CSMD3: variants seen among roughly 807,000 people sequenced by gnomAD.
CSMD3 encodes CUB and sushi domain-containing protein 3.
Under a neutral mutation model 435.2 loss-of-function variants are expected in CSMD3, and 177 were observed. The ratio of observed to expected loss-of-function variants is 0.41; its 90% CI spans 0.36 to 0.46. The LOEUF (loss-of-function observed/expected upper bound fraction) is 0.46, where lower values mean the gene tolerates loss of function less well. CSMD3 is among the 20% of genes least tolerant of loss of function. The probability of loss-of-function intolerance (pLI) is 0.34; values close to 1 mark genes in which losing one functional copy is unlikely to be tolerated. For missense variants in CSMD3, 4,265 were observed against 4,504.6 expected (o/e 0.95, Z 1.52); for synonymous variants, 1,656 against 1,520.5 (o/e 1.09, Z -2.07).
chr8:112,698,962 T>C (rs561992252), intron 13 of CSMD3, among the ~76,000 whole-genome samples: 41 of 152,074 alleles, frequency 2.7e-4, no homozygotes, highest in Non-Finnish European at 5.0e-4. Flanking sequence ...GCTAAAGGTT[T>C]GTAAATGCAC....
At chr8:112,797,897 T>A (rs1023117771) in intron 13 of CSMD3, among the ~76,000 whole-genome samples, 1 of 151,894 alleles carries the variant, frequency 6.6e-6, no homozygotes, top group African/African-American at 2.4e-5. Context: ...TTACCTAATT[T>A]ATATAGGCCT....
chr8:112,405,060 G>A (rs987832444), intron 35 of CSMD3, among the ~76,000 whole-genome samples: 3 of 148,938 alleles, frequency 2.0e-5, no homozygotes, highest in African/African-American at 5.0e-5. Flanking sequence ...GGTAGTGCAC[G>A]CCTGTAATCC....
At chr8:113,043,487 G>A (rs1006457728) in intron 5 of CSMD3, among the ~76,000 whole-genome samples, 2 of 152,120 alleles carry the variant, frequency 1.3e-5, no homozygotes, top group African/African-American at 4.8e-5. Context: ...AGTATCCTCA[G>A]TATCCTGTGA....
intron 6 of CSMD3, among the ~76,000 whole-genome samples, chr8:112,983,940 C>T (rs1587825397): frequency 1.3e-5 from 2 of 151,974 alleles, no homozygotes; most frequent in East Asian, 3.9e-4. Flanking sequence ...AGGCCAAAAA[C>T]GTCTTACTTT....
intron 38 of CSMD3, among the ~76,000 whole-genome samples, chr8:112,379,006 G>A: frequency 6.6e-6 from 1 of 151,944 alleles, no homozygotes; most frequent in South Asian, 2.1e-4. Flanking sequence ...CAGTAAAGTT[G>A]CAAGATACAA....
chr8:113,380,141 G>A (rs2133100791), intron 1 of CSMD3, among the ~76,000 whole-genome samples: 1 of 152,106 alleles, frequency 6.6e-6, no homozygotes, highest in East Asian at 1.9e-4. Context: ...TAACATCCGT[G>A]GGGTTCCCTC....
intron 5 of CSMD3, among the ~76,000 whole-genome samples, chr8:113,073,221 T>G (rs1256177868): frequency 1.3e-5 from 2 of 149,608 alleles, no homozygotes; most frequent in African/African-American, 2.4e-5. Flanking sequence ...TTATTTTTTC[T>G]ATTGGGAGAC....
chr8:113,418,435 T>G (rs2094592735), intron 1 of CSMD3, among the ~76,000 whole-genome samples: 1 of 152,184 alleles, frequency 6.6e-6, no homozygotes, highest in African/African-American at 2.4e-5. Flanking sequence ...CAGTAAAATA[T>G]ATAGTTGGAG....
chr8:112,722,859 A>C (rs2076888071), intron 13 of CSMD3, among the ~76,000 whole-genome samples: 1 of 152,198 alleles, frequency 6.6e-6, no homozygotes, highest in Non-Finnish European at 1.5e-5. Context: ...GGGAGTATTA[A>C]GATGACTCAC....
At chr8:112,363,554 G>A (rs1827466017) in intron 38 of CSMD3, among the ~76,000 whole-genome samples, 1 of 151,860 alleles carries the variant, frequency 6.6e-6, no homozygotes, top group South Asian at 2.1e-4. Context: ...AGAAAACCCT[G>A]GGTACCAGGA....
chr8:112,758,745 T>C (rs1338304981), intron 13 of CSMD3, among the ~76,000 whole-genome samples: 3 of 152,294 alleles, frequency 2.0e-5, no homozygotes, highest in Admixed American at 6.5e-5. Flanking sequence ...TTCTACCTCA[T>C]GATAACATTT....
chr8:113,422,226 G>GT (rs769647465), intron 1 of CSMD3, among the ~76,000 whole-genome samples: 22 of 152,046 alleles, frequency 1.4e-4, no homozygotes, highest in Non-Finnish European at 3.1e-4. Context: ...AATTCTACGC[G>GT]TTTTTCCTCT....
At chr8:112,267,039 T>A (rs1817017854) in intron 59 of CSMD3, among the ~76,000 whole-genome samples, 1 of 152,174 alleles carries the variant, frequency 6.6e-6, no homozygotes, top group African/African-American at 2.4e-5. Context: ...TTCTGTCTTT[T>A]TTAAATTCAC....
intron 35 of CSMD3, among the ~76,000 whole-genome samples, chr8:112,396,126 T>G (rs555153560): frequency 6.6e-6 from 1 of 152,244 alleles, no homozygotes; most frequent in East Asian, 1.9e-4. Flanking sequence ...TAATGAACAT[T>G]TTCTTGTGCT....
intron 28 of CSMD3, among the ~76,000 whole-genome samples, chr8:112,512,672 C>T (rs13282642): frequency 0.28 from 42,363 of 151,986 alleles, 6,239 homozygotes; most frequent in African/African-American, 0.37. Flanking sequence ...ATTTTAAAGT[C>T]ACCAGCTGCA....
intron 58 of CSMD3, among the ~76,000 whole-genome samples, chr8:112,286,236 T>G (rs1819182435): frequency 6.6e-6 from 1 of 152,176 alleles, no homozygotes; most frequent in South Asian, 2.1e-4. Flanking sequence ...TATCATTTTC[T>G]CTTGTCTCTA....
intron 38 of CSMD3, among the ~76,000 whole-genome samples, chr8:112,371,671 C>G (rs111892483): frequency 6.6e-6 from 1 of 151,990 alleles, no homozygotes; most frequent in African/African-American, 2.4e-5. Context: ...GGGCGTATTA[C>G]GAGGTCAGGA....
intron 28 of CSMD3, among the ~76,000 whole-genome samples, chr8:112,515,830 A>T (rs1287084471): frequency 6.6e-6 from 1 of 152,076 alleles, no homozygotes; most frequent in Non-Finnish European, 1.5e-5. Flanking sequence ...ACTTTATAAA[A>T]TAGAGAAAAT....
At chr8:112,590,339 T>G (rs553802537) in intron 22 of CSMD3, among the ~76,000 whole-genome samples, 2 of 151,886 alleles carry the variant, frequency 1.3e-5, no homozygotes, top group East Asian at 1.9e-4. Context: ...TCTGAAGTAC[T>G]GCAACTTGAA....
Sources: gnomAD v4.1 joint callset for allele counts (sites outside exome capture counted in the v4.1 genomes callset) on GRCh38, gnomAD v4.1.1 for gene constraint, MANE v1.5 for transcripts, NCBI Gene and HGNC (gene_info 2026-07-23, HGNC 2026-07-21) for gene names.